The following CEP63 variants were observed in gnomAD, a reference collection of about 807,000 sequenced individuals.
CEP63 encodes centrosomal protein of 63 kDa.
CEP63 carries 84 observed loss-of-function variants against 89.1 expected under a neutral mutation model. The observed-to-expected ratio is 0.94, with a 90% CI of 0.79 to 1.13. The LOEUF is 1.13. CEP63 is among the 50% of genes most tolerant of loss of function. The pLI is 0.00. For synonymous variants in CEP63, 267 were observed against 272.5 expected, an observed-to-expected ratio of 0.98 and a Z score of 0.20; for missense variants, 838 against 813.3, an observed-to-expected ratio of 1.03 and a Z score of -0.37.
At chr3:134,501,948 TGA>T (rs1942124328) in intron 2 of CEP63, among the ~76,000 whole-genome samples, 1 of 152,230 alleles carries the variant, frequency 6.6e-6, no homozygotes, top group South Asian at 2.1e-4. Flanking sequence ...CTATTCAGTA[TGA>T]TATTGGCTGT....
the CEP63 span, among the ~76,000 whole-genome samples, chr3:134,732,858 T>A: frequency 6.6e-6 from 1 of 152,184 alleles, no homozygotes; most frequent in Non-Finnish European, 1.5e-5. Context: ...AACTTACAAA[T>A]TAGCTTGTCA....
At chr3:134,697,403 A>T in the CEP63 span, among the ~76,000 whole-genome samples, 1 of 152,226 alleles carries the variant, frequency 6.6e-6, no homozygotes, top group Non-Finnish European at 1.5e-5. Flanking sequence ...AAGCAGGGGC[A>T]GACCCTCTGG....
the CEP63 span, among the ~76,000 whole-genome samples, chr3:134,684,590 C>G: frequency 6.6e-6 from 1 of 152,244 alleles, no homozygotes; most frequent in Non-Finnish European, 1.5e-5. Context: ...TCCTGCAAAG[C>G]AGGAAGTGCA....
At chr3:134,752,553 T>C in the CEP63 span, among the ~76,000 whole-genome samples, 93 of 152,190 alleles carry the variant, frequency 6.1e-4, no homozygotes, top group African/African-American at 2.2e-3. Flanking sequence ...CAATGGGATG[T>C]CAGATGATTA....
At chr3:134,547,160 A>G (rs1289121514) in intron 8 of CEP63, among the ~76,000 whole-genome samples, 175 bp from the exon 9 acceptor site, 4 of 152,228 alleles carry the variant, frequency 2.6e-5, no homozygotes, top group Non-Finnish European at 5.9e-5. Context: ...TTTTTGAAGT[A>G]TCAGCATCTC....
At chr3:134,705,699 GCT>G in the CEP63 span, among the ~76,000 whole-genome samples, 1 of 152,174 alleles carries the variant, frequency 6.6e-6, no homozygotes, top group Non-Finnish European at 1.5e-5. Flanking sequence ...AGTCCTCAGA[GCT>G]GTTGGTGGCT....
intron 2 of CEP63, among the ~76,000 whole-genome samples, chr3:134,504,113 C>CTT (rs74269454): frequency 7.0e-6 from 1 of 143,882 alleles, no homozygotes. Context: ...GTCTCTCTCT[C>CTT]TTTTTTTTTT....
At chr3:134,706,167 A>T in the CEP63 span, among the ~76,000 whole-genome samples, 1 of 152,130 alleles carries the variant, frequency 6.6e-6, no homozygotes, top group African/African-American at 2.4e-5. Flanking sequence ...TTCCTAACCC[A>T]TTTCTTTCCA....
intron 2 of CEP63, among the ~76,000 whole-genome samples, chr3:134,502,790 T>C (rs1426875965): frequency 5.3e-5 from 8 of 152,166 alleles, no homozygotes; most frequent in Admixed American, 4.6e-4. Flanking sequence ...TTTTGTTTAT[T>C]TCTGCTCTGA....
At chr3:134,711,102 A>C in the CEP63 span, among the ~76,000 whole-genome samples, 2 of 152,056 alleles carry the variant, frequency 1.3e-5, no homozygotes, top group African/African-American at 4.8e-5. Context: ...CTCTTCCCCC[A>C]GTCTTTTTAT....
At chr3:134,519,099 A>G (rs1036165128) in intron 3 of CEP63, among the ~76,000 whole-genome samples, 2 of 151,478 alleles carry the variant, frequency 1.3e-5, no homozygotes, top group East Asian at 1.9e-4. Flanking sequence ...AAAGGTTGAG[A>G]CATGTGAATA....
the CEP63 span, among the ~76,000 whole-genome samples, chr3:134,643,013 T>C: frequency 1.8e-4 from 27 of 152,304 alleles, no homozygotes; most frequent in African/African-American, 6.5e-4. Flanking sequence ...ATAGTTAGCA[T>C]TCAACAAATG....
the CEP63 span, among the ~76,000 whole-genome samples, chr3:134,756,662 T>C: frequency 6.6e-6 from 1 of 152,150 alleles, no homozygotes; most frequent in African/African-American, 2.4e-5. Context: ...CCCCAAAGTA[T>C]CCTTATTGAC....
At chr3:134,629,242 G>A in the CEP63 span, among the ~76,000 whole-genome samples, 1 of 152,188 alleles carries the variant, frequency 6.6e-6, no homozygotes, top group Non-Finnish European at 1.5e-5. Context: ...TCTAAAAAGT[G>A]GGGATGATAT....
chr3:134,613,335 A>G, the CEP63 span: 1 of 152,650 alleles, frequency 6.6e-6, no homozygotes, highest in Non-Finnish European at 1.5e-5. Flanking sequence ...TCCTGCCCTC[A>G]AGGGAGTGAA....
At chr3:134,604,155 G>A in the CEP63 span, 8 of 1,608,708 alleles carry the variant, frequency 5.0e-6, no homozygotes, top group Non-Finnish European at 6.8e-6. Flanking sequence ...GGATGATAGG[G>A]TCAGGGTGGG....
chr3:134,517,835 A>G (rs1168059149), intron 3 of CEP63, among the ~76,000 whole-genome samples: 1 of 152,202 alleles, frequency 6.6e-6, no homozygotes, highest in Non-Finnish European at 1.5e-5. Context: ...ATAAGAGCAT[A>G]TATTAGAAAA....
At chr3:134,576,878 G>A (rs115534070), downstream of CEP63, among the ~76,000 whole-genome samples, 1,640 of 152,258 alleles carry the variant, frequency 0.011, 11 homozygotes, top group Middle Eastern at 0.027. Context: ...CTGTGTTCAC[G>A]GGCTTCTCAG....
At chr3:134,617,427 C>T in the CEP63 span, among the ~76,000 whole-genome samples, 1 of 151,958 alleles carries the variant, frequency 6.6e-6, no homozygotes, top group Non-Finnish European at 1.5e-5. Flanking sequence ...TGGGTATTCG[C>T]AGGGGAGGTA....
Sources: allele counts gnomAD v4.1 joint callset (sites outside exome capture counted in the v4.1 genomes callset), GRCh38; gene constraint gnomAD v4.1.1; transcripts MANE v1.5; gene names NCBI Gene and HGNC (gene_info 2026-07-23, HGNC 2026-07-21).